Variants in LRRC41 observed in about 807,000 individuals in gnomAD.
The protein encoded by LRRC41 is leucine rich repeat containing 41, also known as leucine-rich repeat-containing protein 41.
A neutral mutation model predicts 72.1 loss-of-function variants in LRRC41; 17 were observed. The observed-to-expected ratio is 0.24, with a 90% CI of 0.16 to 0.35. LRRC41 has a LOEUF of 0.35. Ranked by LOEUF, LRRC41 falls within the 10% of genes least tolerant of loss-of-function variation. The pLI, the probability that LRRC41 is intolerant of heterozygous loss-of-function variation, is 1.00. For synonymous variants in LRRC41, 427 were observed against 431.0 expected (o/e 0.99, Z 0.11); for missense variants, 759 against 1,065.0 (o/e 0.71, Z 4.00).
In LRRC41 at chr1:46,302,408, C is replaced by T. The variant is rs1403416157; in HGVS notation, c.199+716G>A. The T allele has an allele frequency of 1.0e-6, 1 of 985,302 alleles. No individual in the cohort carries two copies. The highest frequency in any genetic ancestry group is 6.1e-5 in the Admixed American group (1 of 16,274). 61.0% of individuals were successfully genotyped at this position (985,302 alleles called of 1,614,324 possible). On this transcript the variant is annotated intron_variant, in intron 1 of 9. Coordinates refer to ENST00000617190, the MANE Select transcript of LRRC41 (RefSeq NM_006369.5). This position sits in a 1 kb window ranked among gnomAD's most constrained non-coding sequence, Gnocchi z 4.7. ...TCGAGCCGATCCGAGTGGCCTCCGG[C>T]GCTCCCTGTCCTGCGGGTCGCACGG...
chr1:46,294,506 C>T (rs1487292936), intron 3 of LRRC41, among the ~76,000 whole-genome samples: 2 of 152,028 alleles, frequency 1.3e-5, no homozygotes, highest in Non-Finnish European at 2.9e-5. Context: ...CAAGCTATTC[C>T]TCTCACTTCA....
rs971129385 is a variant in LRRC41 at position 46,302,717 on chromosome 1, C to T, written c.199+407G>A. ...CTGGCCTTGCCTTAGGCCGGGCCTC[C>T]TAACCTCGGCCCCTGCCCTAGGGCA... On this transcript the variant is annotated intron_variant, in intron 1 of 9. Transcript: ENST00000617190. The surrounding 1 kb of genome is among the most constrained non-coding windows in gnomAD (Gnocchi z 4.7). 1.0e-6 allele frequency: 1 copy of T among 985,144 alleles called. No individual in the cohort carries two copies. Among genetic ancestry groups the T allele is most frequent in the African/African-American group, 1.7e-5 (1 of 57,232 alleles). The allele number at this position is 985,144 out of a possible 1,614,324, so 61.0% of individuals were successfully genotyped here.
chr1:46,283,347 A>T (rs1202190034), intron 4 of LRRC41, among the ~76,000 whole-genome samples: 1 of 152,186 alleles, frequency 6.6e-6, no homozygotes, highest in Non-Finnish European at 1.5e-5. Flanking sequence ...GGCTGGGCTT[A>T]ATGGCTCATG....
chr1:46,281,446 C>T (rs79129977), intron 4 of LRRC41, 61 bp from the exon 5 acceptor site: 1 of 1,504,330 alleles, frequency 6.6e-7, no homozygotes, highest in Non-Finnish European at 9.1e-7. Flanking sequence ...GTAATATATT[C>T]AAATACAACT....
At chr1:46,292,694 C>A (rs972332946) in intron 3 of LRRC41, among the ~76,000 whole-genome samples, 2 of 152,080 alleles carry the variant, frequency 1.3e-5, no homozygotes, top group Admixed American at 1.3e-4. Flanking sequence ...GGATATTTGT[C>A]TTTTTATTTT....
At chr1:46,297,533 G>C (rs1192545041) in intron 3 of LRRC41, 30 bp downstream of exon 3, 2 of 1,576,138 alleles carry the variant, frequency 1.3e-6, no homozygotes, top group Non-Finnish European at 1.7e-6. Flanking sequence ...GCAAAATCAG[G>C]CTAGCATTCT....
In LRRC41 at chr1:46,285,528, T is replaced by C; in HGVS notation, c.1329A>G (p.Ser443=). 1.2e-6 allele frequency: 2 copies of C among 1,614,078 alleles called. No individual in the cohort carries two copies. The highest frequency in any genetic ancestry group is 1.7e-6 in the Non-Finnish European group (2 of 1,180,006). Residue 443 remains serine (S), a synonymous_variant, in exon 4 of 10, where the codon TCA becomes TCG. Transcript: ENST00000617190. This position sits in a 1 kb window ranked among gnomAD's most constrained non-coding sequence, Gnocchi z 5.3. Reference sequence around the variant, plus strand: ...CTGGAAGCCCCAGGCAGCTGGGATCTGATCCATCCAAAGCTCCACAAGCCA... The same window carrying C: ...CTGGAAGCCCCAGGCAGCTGGGATCCGATCCATCCAAAGCTCCACAAGCCA... ...GEVACGALDG[S]DPSCLGLPAL...
chr1:46,303,275 C>T lies in LRRC41; in HGVS notation c.48G>A (p.Glu16=). Residue 16 remains glutamate, a synonymous_variant, in exon 1 of 10, where the codon GAG becomes GAA. Transcript: ENST00000617190. ...CCTCCATGGTCGTTGCCGCCGCTAC[C>T]TCACAGAACCAGCAACTCCGGGCGC... is the stretch of plus-strand genomic sequence containing the variant. ...AWRARSCWFC[E]VAAATTMEAT... The T allele has an allele frequency of 6.5e-7, 1 of 1,544,770 alleles. No homozygotes were observed. Among genetic ancestry groups the T allele is most frequent in the Non-Finnish European group, 8.7e-7 (1 of 1,145,958 alleles).
rs1006369014 is a variant in LRRC41 at position 46,303,449 on chromosome 1, A to T, written c.-127T>A. On this transcript the variant is annotated 5_prime_UTR_variant, in exon 1 of 10. Coordinates refer to ENST00000617190, the MANE Select transcript of LRRC41 (RefSeq NM_006369.5). ...ATTATTCTAAAGAAATTTCGAAGAA[A>T]TTAGCACACTTTCCAAGTCTCTTAG... The T allele has an allele frequency of 2.1e-6, 2 of 947,532 alleles. No individual in the cohort carries two copies. The highest frequency in any genetic ancestry group is 1.5e-6 in the Non-Finnish European group (1 of 658,478). The allele number at this position is 947,532 out of a possible 1,614,324, so 58.7% of individuals were successfully genotyped here.
At position 46,302,080 on chromosome 1, in the gene LRRC41, C is replaced by A. The variant is rs914098110; in HGVS notation, c.199+1044G>T. ...CAACCCACAGCCCCGCCTCCCAGCC[C>A]AACTGGCCGGTTCGCCCTCCCCGGC... On this transcript the variant is annotated intron_variant, in intron 1 of 9. Transcript: ENST00000617190. This position sits in a 1 kb window ranked among gnomAD's most constrained non-coding sequence, Gnocchi z 4.7. 6.5e-5 allele frequency: 64 copies of A among 985,286 alleles called. No homozygotes were observed. Among genetic ancestry groups the A allele is most frequent in the Non-Finnish European group, 7.7e-5 (64 of 829,908 alleles). 61.0% of individuals were successfully genotyped at this position (985,286 alleles called of 1,614,324 possible). A position where few individuals can be genotyped will look rare whatever the true frequency, so the allele number is the denominator to read the frequency against.
At position 46,279,372 on chromosome 1, in the gene LRRC41, G is replaced by T; in HGVS notation, c.2144-115C>A. The stretch of plus-strand genomic sequence containing the variant: ...TGCTGGTTCCTGAAGCCCCAGCACA[G>T]AAATATCTGTATTCCAACTCCCACG... On this transcript the variant is annotated intron_variant, in intron 8 of 9. Coordinates refer to ENST00000617190, the MANE Select transcript of LRRC41 (RefSeq NM_006369.5). This position sits in a 1 kb window ranked among gnomAD's most constrained non-coding sequence, Gnocchi z 4.5. 1 of 1,584,148 alleles carries T rather than the reference G, an allele frequency of 6.3e-7. No individual in the cohort carries two copies. Among genetic ancestry groups the T allele is most frequent in the South Asian group, 1.1e-5 (1 of 90,068 alleles).
In LRRC41 at chr1:46,281,168, A is replaced by G; in HGVS notation, c.1713T>C (p.Asn571=). ...CTATTATGTGGCTAGGGGGCCCTGC[A>G]TTCCCTGGCACACCAGGGTTGTCCC... is the stretch of plus-strand genomic sequence containing the variant. The part of the protein sequence containing the change: ...SQRDNPGVPG[N]AGPPSHIIGD... The change falls in exon 5 of 10, where the codon AAT becomes AAC. Residue 571 remains asparagine (N), a synonymous_variant. Transcript: ENST00000617190. 1.9e-6 allele frequency: 3 copies of G among 1,614,138 alleles called. No homozygotes were observed. Among genetic ancestry groups the G allele is most frequent in the Non-Finnish European group, 2.5e-6 (3 of 1,179,976 alleles).
intron 4 of LRRC41, among the ~76,000 whole-genome samples, chr1:46,283,769 A>G (rs956243055): frequency 1.3e-5 from 2 of 151,494 alleles, no homozygotes; most frequent in African/African-American, 2.4e-5. Flanking sequence ...GCAGTAGTGC[A>G]GTGGCACGAT....
In LRRC41 at chr1:46,278,562, C is replaced by T; in HGVS notation, c.*303G>A. ...TGGGTGCCTGCTTGAGGAGGGAAGG[C>T]AGGAACCCAGGGGCAGGGGAGGGGA... On this transcript the variant is annotated 3_prime_UTR_variant, in exon 10 of 10. Transcript: ENST00000617190. The T allele has an allele frequency of 1.6e-6, 1 of 609,158 alleles. No individual in the cohort carries two copies. Among genetic ancestry groups the T allele is most frequent in the Non-Finnish European group, 2.9e-6 (1 of 346,968 alleles). 37.7% of individuals were successfully genotyped at this position (609,158 alleles called of 1,614,324 possible).
At chr1:46,287,182 C>T (rs1660902455) in intron 3 of LRRC41, among the ~76,000 whole-genome samples, 1 of 152,046 alleles carries the variant, frequency 6.6e-6, no homozygotes, top group Non-Finnish European at 1.5e-5. Flanking sequence ...GATCTCGGCA[C>T]ACTGCAAGCT....
chr1:46,282,147 G>A lies in LRRC41; in HGVS notation c.1496-762C>T, dbSNP rs74227093. ...GAGACGCTTGCTTGTTTGGCTACAT[G>A]AGGCTCAGGAAACAGCTCTAGAGGG... is the stretch of plus-strand genomic sequence containing the variant. On this transcript the variant is annotated intron_variant, in intron 4 of 9. Coordinates refer to ENST00000617190, the MANE Select transcript of LRRC41 (RefSeq NM_006369.5). Among the ~76,000 whole-genome samples the A allele has an allele frequency of 1.0e-3, 158 of 152,176 alleles. 2 individuals are homozygous for A. In the South Asian group the frequency reaches 0.016, roughly 16 times the overall value.
chr1:46,289,918 G>T (rs977407121), intron 3 of LRRC41, among the ~76,000 whole-genome samples: 2 of 152,222 alleles, frequency 1.3e-5, no homozygotes, highest in Admixed American at 6.5e-5. Context: ...GATCAATGAG[G>T]TGAAGTGATG....
At chr1:46,288,598 C>T (rs573509334) in intron 3 of LRRC41, among the ~76,000 whole-genome samples, 1 of 152,330 alleles carries the variant, frequency 6.6e-6, no homozygotes, top group African/African-American at 2.4e-5. Context: ...TGCCTCCATG[C>T]ATTCCTCCAT....
At chr1:46,297,654 C>T in intron 2 of LRRC41, 21 bp from the exon 3 acceptor site, 1 of 1,591,908 alleles carries the variant, frequency 6.3e-7, no homozygotes, top group Non-Finnish European at 8.6e-7. Context: ...AAATATCACA[C>T]TTGGCTGCTT....
Sources: allele counts gnomAD v4.1 joint callset (sites outside exome capture counted in the v4.1 genomes callset), GRCh38; gene constraint gnomAD v4.1.1; non-coding constraint Gnocchi (gnomAD v3.1); transcripts MANE v1.5; gene names NCBI Gene and HGNC (gene_info 2026-07-23, HGNC 2026-07-21).